The following MECOM variants were observed in gnomAD, a reference collection of about 807,000 sequenced individuals.
MECOM encodes the protein MDS1 and EVI1 complex locus, also known as histone-lysine N-methyltransferase MECOM.
In MECOM, 13 loss-of-function variants were observed where a neutral mutation model predicts 116.3. That is an observed-to-expected ratio of 0.11 (90% confidence interval 0.07 to 0.18). The LOEUF is 0.18. Ranked by LOEUF, MECOM falls within the 10% of genes least tolerant of loss-of-function variation. The pLI, the probability that MECOM is intolerant of heterozygous loss-of-function variation, is 1.00. For synonymous variants in MECOM, 528 were observed against 535.2 expected, an observed-to-expected ratio of 0.99 and a Z score of 0.19; for missense variants, 1,299 against 1,509.0, an observed-to-expected ratio of 0.86 and a Z score of 2.31.
chr3:169,108,647 G>A (rs1726263184), intron 9 of MECOM, among the ~76,000 whole-genome samples: 1 of 152,132 alleles, frequency 6.6e-6, no homozygotes, highest in Admixed American at 6.5e-5. Flanking sequence ...GCTTATACAT[G>A]TTTTGGTATA....
chr3:169,116,498 A>G lies in MECOM; in HGVS notation c.1374T>C (p.Asn458=), dbSNP rs1407664529. 1 of 1,614,216 alleles carries G rather than the reference A, an allele frequency of 6.2e-7. No individual in the cohort carries two copies. The highest frequency in any genetic ancestry group is 2.2e-5 in the East Asian group (1 of 44,886). Residue 458 remains asparagine (N), a synonymous_variant, in exon 8 of 17, where the codon AAT becomes AAC. Transcript: ENST00000651503. ...TPAMDKTSMV[N]MSHANPGLAD... Reference sequence around the variant, plus strand: ...CAAGGCCCGGGTTGGCATGACTCATATTAACCATGGACGTTTTATCCATAG... The same window carrying G: ...CAAGGCCCGGGTTGGCATGACTCATGTTAACCATGGACGTTTTATCCATAG...
chr3:169,282,651 C>A (rs952358367), intron 2 of MECOM, among the ~76,000 whole-genome samples: 16 of 152,144 alleles, frequency 1.1e-4, no homozygotes, highest in African/African-American at 3.6e-4. Flanking sequence ...AAAGGCCAAA[C>A]AAGATGGCCA....
intron 1 of MECOM, among the ~76,000 whole-genome samples, chr3:169,480,242 T>C (rs911846207): frequency 4.6e-5 from 7 of 152,206 alleles, no homozygotes; most frequent in Non-Finnish European, 8.8e-5. Flanking sequence ...ACATATACTG[T>C]CCCATGAATA....
chr3:169,208,751 A>C (rs937388043), intron 2 of MECOM, among the ~76,000 whole-genome samples: 3 of 152,176 alleles, frequency 2.0e-5, no homozygotes, highest in African/African-American at 7.2e-5. Context: ...AATATCATGA[A>C]AATGGCCATA....
chr3:169,130,856 A>G (rs554753111), intron 4 of MECOM, among the ~76,000 whole-genome samples: 1 of 152,324 alleles, frequency 6.6e-6, no homozygotes, highest in African/African-American at 2.4e-5. Context: ...TATCTGACCT[A>G]AACATGTATC....
intron 1 of MECOM, among the ~76,000 whole-genome samples, chr3:169,577,638 C>T (rs1180462451): frequency 6.6e-6 from 1 of 152,158 alleles, no homozygotes; most frequent in East Asian, 1.9e-4. Flanking sequence ...AATGATCCGA[C>T]AGTGCCTAGA....
intron 1 of MECOM, among the ~76,000 whole-genome samples, chr3:169,525,276 T>G (rs1254999918): frequency 2.6e-5 from 4 of 152,140 alleles, no homozygotes; most frequent in African/African-American, 4.8e-5. Flanking sequence ...GTAATGACAT[T>G]GGAAATAAAA....
chr3:169,399,715 T>C (rs1037653911), intron 1 of MECOM, among the ~76,000 whole-genome samples: 28 of 152,188 alleles, frequency 1.8e-4, no homozygotes, highest in Non-Finnish European at 3.1e-4. Flanking sequence ...TGCCAGAAAG[T>C]TTTGTTTTAT....
chr3:169,160,501 G>C (rs931937990), intron 2 of MECOM, among the ~76,000 whole-genome samples: 4 of 148,212 alleles, frequency 2.7e-5, no homozygotes, highest in African/African-American at 9.8e-5. Context: ...ATTTTTAAAT[G>C]TACAATAATA....
chr3:169,271,913 C>A (rs1758987542), intron 2 of MECOM, among the ~76,000 whole-genome samples: 1 of 152,128 alleles, frequency 6.6e-6, no homozygotes, highest in Non-Finnish European at 1.5e-5. Context: ...AAAATTAACA[C>A]CATCAAGGCC....
chr3:169,449,005 T>A (rs1745111636), intron 1 of MECOM, among the ~76,000 whole-genome samples: 1 of 152,186 alleles, frequency 6.6e-6, no homozygotes, highest in Non-Finnish European at 1.5e-5. Context: ...GTAGCCAATC[T>A]ACCAGGAGTA....
chr3:169,512,346 A>T (rs1336755588), intron 1 of MECOM, among the ~76,000 whole-genome samples: 1 of 152,208 alleles, frequency 6.6e-6, no homozygotes, highest in East Asian at 1.9e-4. Flanking sequence ...TCTTGCCACC[A>T]GTGGACAACT....
At chr3:169,136,234 T>C (rs1736318704) in intron 3 of MECOM, among the ~76,000 whole-genome samples, 2 of 151,664 alleles carry the variant, frequency 1.3e-5, no homozygotes, top group South Asian at 4.1e-4. Context: ...TTTATAAATA[T>C]AAATGTGCTT....
intron 12 of MECOM, among the ~76,000 whole-genome samples, chr3:169,096,874 C>T (rs1250944479): frequency 6.6e-6 from 1 of 152,046 alleles, no homozygotes; most frequent in African/African-American, 2.4e-5. Flanking sequence ...ACTGTTCTGG[C>T]ATAATAAGCT....
intron 1 of MECOM, among the ~76,000 whole-genome samples, chr3:169,386,754 A>G (rs1879795): frequency 0.32 from 48,972 of 151,962 alleles, 8,243 homozygotes; most frequent in East Asian, 0.51. Context: ...TTAGATTCCT[A>G]TAAGAAAACT....
chr3:169,161,591 T>C (rs1389143050), intron 2 of MECOM, among the ~76,000 whole-genome samples: 1 of 152,174 alleles, frequency 6.6e-6, no homozygotes, highest in Admixed American at 6.5e-5. Flanking sequence ...AAGATAAATA[T>C]ACTGAATACC....
chr3:169,617,946 T>C (rs1464400198), intron 1 of MECOM, among the ~76,000 whole-genome samples: 1 of 152,170 alleles, frequency 6.6e-6, no homozygotes, highest in Non-Finnish European at 1.5e-5. Context: ...ATCTTTATTC[T>C]TCATAACCTT....
At chr3:169,422,431 T>C (rs1225292592) in intron 1 of MECOM, among the ~76,000 whole-genome samples, 1 of 152,140 alleles carries the variant, frequency 6.6e-6, no homozygotes, top group Non-Finnish European at 1.5e-5. Flanking sequence ...ATGTTATTCA[T>C]ATAATACAGC....
intron 3 of MECOM, among the ~76,000 whole-genome samples, chr3:169,135,099 T>C (rs1735957007): frequency 6.6e-6 from 1 of 152,108 alleles, no homozygotes; most frequent in Non-Finnish European, 1.5e-5. Context: ...TTGAGTATAT[T>C]GCAGTCCAGT....
Sources: gnomAD v4.1 joint callset for allele counts (sites outside exome capture counted in the v4.1 genomes callset) on GRCh38, gnomAD v4.1.1 for gene constraint, MANE v1.5 for transcripts, NCBI Gene and HGNC (gene_info 2026-07-23, HGNC 2026-07-21) for gene names.